The following CALM3 variants were observed in gnomAD, a reference collection of about 807,000 sequenced individuals.
CALM3 encodes calmodulin 3.
CALM3 carries 5 observed loss-of-function variants against 20.1 expected under a neutral mutation model. That is an observed-to-expected ratio of 0.25 (90% confidence interval 0.13 to 0.52). The LOEUF is 0.52. Ranked by LOEUF, CALM3 falls within the 20% of genes least tolerant of loss-of-function variation. The pLI is 0.96. For synonymous variants in CALM3, 69 were observed against 68.1 expected, an observed-to-expected ratio of 1.01 and a Z score of -0.06; for missense variants, 57 against 192.8, an observed-to-expected ratio of 0.30 and a Z score of 4.17.
At position 46,609,301 on chromosome 19, in the gene CALM3, C is replaced by T. The variant is rs1043729277; in HGVS notation, c.*148C>T. 1.1e-5 allele frequency: 8 copies of T among 757,512 alleles called. No individual in the cohort carries two copies. In the Admixed American group the frequency reaches 1.7e-4, roughly 16 times the overall value. The allele number at this position is 757,512 out of a possible 1,614,324, so 46.9% of individuals were successfully genotyped here. Reference sequence around the variant, plus strand: ...TCTGATAAAGCAACAAAAGATTTGTCCCAAGCTGCATGATTGCTCTTTCTC... The same window carrying T: ...TCTGATAAAGCAACAAAAGATTTGTTCCAAGCTGCATGATTGCTCTTTCTC... On this transcript the variant is annotated 3_prime_UTR_variant, in exon 6 of 6. Coordinates refer to ENST00000291295, the MANE Select transcript of CALM3 (RefSeq NM_005184.4).
In CALM3 at chr19:46,609,160, C is replaced by T. The variant is rs1185923613; in HGVS notation, c.*7C>T. On this transcript the variant is annotated 3_prime_UTR_variant, in exon 6 of 6. Transcript: ENST00000291295. ...GATGATGACTGCAAAGTGAAGGCCCCCCGGGCAGCTGGCGATGCCCGTTCT... is the reference window on the plus strand; with the variant it reads ...GATGATGACTGCAAAGTGAAGGCCCTCCGGGCAGCTGGCGATGCCCGTTCT... 2 of 1,613,886 alleles carry T rather than the reference C, an allele frequency of 1.2e-6. No individual in the cohort carries two copies. Among genetic ancestry groups the T allele is most frequent in the Middle Eastern group, 1.6e-4 (1 of 6,062 alleles).
At chr19:46,601,138 C>G (rs1971600294), upstream of CALM3, 1 of 684,474 alleles carries the variant, frequency 1.5e-6, no homozygotes, top group South Asian at 1.8e-5. The surrounding 1 kb of genome is among the most constrained non-coding windows in gnomAD (Gnocchi z 4.2). Context: ...AAACCCAATT[C>G]CTGTGCAGGG....
rs1444626631 is a variant in CALM3 at position 46,605,819 on chromosome 19, T to G, written c.4-8T>G. 1 of 1,614,038 alleles carries G rather than the reference T, an allele frequency of 6.2e-7. No individual in the cohort carries two copies. The highest frequency in any genetic ancestry group is 2.2e-5 in the East Asian group (1 of 44,888). On this transcript the variant is annotated splice_polypyrimidine_tract_variant and splice_region_variant and intron_variant, in intron 1 of 5. Transcript: ENST00000291295. This position sits in a 1 kb window ranked among gnomAD's most constrained non-coding sequence, Gnocchi z 4.1. ...TGGTGACTGACTTTCCCCTTCATGCTTTTACAGGCTGACCAGCTGACTGAG... is the reference window on the plus strand; with the variant it reads ...TGGTGACTGACTTTCCCCTTCATGCGTTTACAGGCTGACCAGCTGACTGAG...
At chr19:46,607,008 C>T (rs1971756620) in intron 2 of CALM3, among the ~76,000 whole-genome samples, 1 of 152,212 alleles carries the variant, frequency 6.6e-6, no homozygotes, top group East Asian at 1.9e-4. Context: ...CTCCCCTCAA[C>T]CCGCATCACA....
At chr19:46,601,173 G>A (rs1440323190), upstream of CALM3, 3 of 535,420 alleles carry the variant, frequency 5.6e-6, no homozygotes, top group East Asian at 3.8e-5. This position sits in a 1 kb window ranked among gnomAD's most constrained non-coding sequence, Gnocchi z 4.2. Context: ...TCGCGGGCCC[G>A]TAGGTGTGGA....
At chr19:46,607,994 A>G in intron 2 of CALM3, 1 of 563,854 alleles carries the variant, frequency 1.8e-6, no homozygotes, top group Non-Finnish European at 3.2e-6. Context: ...TTGATGTTCA[A>G]TAACTGTTGA....
intron 5 of CALM3, 48 bp downstream of exon 5, chr19:46,609,029 C>T (rs1263063906): frequency 6.2e-7 from 1 of 1,608,586 alleles, no homozygotes; most frequent in Non-Finnish European, 8.5e-7. Flanking sequence ...AGAATCGCAG[C>T]TTCAGGAACA....
In CALM3 at chr19:46,608,181, C is replaced by T. The variant is rs747463054; in HGVS notation, c.35-16C>T. The T allele has an allele frequency of 3.1e-6, 5 of 1,611,262 alleles. No individual in the cohort carries two copies. In the African/African-American group the frequency reaches 6.7e-5, roughly 22 times the overall value. Reference sequence around the variant, plus strand: ...TGGACCTTGTGACCTCTGACTCCTCCCCCTTCTTCCCCCAGAGTTCAAGGA... The same window carrying T: ...TGGACCTTGTGACCTCTGACTCCTCTCCCTTCTTCCCCCAGAGTTCAAGGA... On this transcript the variant is annotated splice_polypyrimidine_tract_variant and intron_variant, in intron 2 of 5. Transcript: ENST00000291295. The surrounding 1 kb of genome is among the most constrained non-coding windows in gnomAD (Gnocchi z 5.5).
At position 46,609,483 on chromosome 19, in the gene CALM3, C is replaced by T. The variant is rs710889; in HGVS notation, c.*330C>T. 0.37 allele frequency: 146,480 copies of T among 395,252 alleles called. 28,107 individuals carry two copies. The highest frequency in any genetic ancestry group is 0.48 in the East Asian group (10,421 of 21,536). 24.5% of individuals were successfully genotyped at this position (395,252 alleles called of 1,614,324 possible). ...CTCCTCCAGCCCGGATGGCTCTCCT[C>T]CATTTTGGTTTGTTTCCTCTTGTTT... On this transcript the variant is annotated 3_prime_UTR_variant, in exon 6 of 6. Transcript: ENST00000291295.
intron 1 of CALM3, chr19:46,602,269 T>G: frequency 7.8e-7 from 1 of 1,278,842 alleles, no homozygotes; most frequent in Non-Finnish European, 1.0e-6. Context: ...AATTTGGAAG[T>G]AGCTAGAAAA....
rs760289559 is a variant in CALM3 at position 46,609,181 on chromosome 19, G to A, written c.*28G>A. 18 of 1,611,450 alleles carry A rather than the reference G, an allele frequency of 1.1e-5. No homozygotes were observed. Among genetic ancestry groups the A allele is most frequent in the African/African-American group, 1.1e-4 (8 of 74,814 alleles). On this transcript the variant is annotated 3_prime_UTR_variant, in exon 6 of 6. Transcript: ENST00000291295. ...GCCCCCCGGGCAGCTGGCGATGCCC[G>A]TTCTCTTGATCTCTCTCTTCTCGCG...
chr19:46,607,821 G>A (rs774033221), intron 2 of CALM3: 6 of 167,062 alleles, frequency 3.6e-5, no homozygotes, highest in Non-Finnish European at 6.4e-5. Flanking sequence ...GAATCCTTTC[G>A]GCTCTCATTC....
intron 1 of CALM3, among the ~76,000 whole-genome samples, chr19:46,603,121 G>A (rs1971669367): frequency 6.6e-6 from 1 of 152,234 alleles, no homozygotes; most frequent in African/African-American, 2.4e-5. Context: ...CTGAGCCTGG[G>A]AACCGTGTGC....
upstream of CALM3, chr19:46,601,131 C>T: frequency 4.1e-6 from 3 of 729,038 alleles, no homozygotes; most frequent in South Asian, 5.4e-5. This position sits in a 1 kb window ranked among gnomAD's most constrained non-coding sequence, Gnocchi z 4.2. Flanking sequence ...CGGCGGCAAA[C>T]CCAATTCCTG....
chr19:46,608,063 C>CT lies in CALM3; in HGVS notation c.35-132dup. 1 of 805,274 alleles carries CT rather than the reference C, an allele frequency of 1.2e-6. No individual in the cohort carries two copies. The highest frequency in any genetic ancestry group is 1.7e-5 in the South Asian group (1 of 59,378). 49.9% of individuals were successfully genotyped at this position (805,274 alleles called of 1,614,324 possible). ...AGGAGAGAGAGCTGGTTGCGTGGGA[C>CT]TTGAAGTCTGTCTCAGTTTCTTTAG... On this transcript the variant is annotated intron_variant, in intron 2 of 5. Transcript: ENST00000291295. The surrounding 1 kb of genome is among the most constrained non-coding windows in gnomAD (Gnocchi z 5.5).
rs2122253696 is a variant in CALM3 at position 46,609,256 on chromosome 19, A to G, written c.*103A>G. ...CCTGCGTACCCCGGTTCTAGCAAAC[A>G]CCAATTGATTGACTGAGAATCTGAT... On this transcript the variant is annotated 3_prime_UTR_variant, in exon 6 of 6. Transcript: ENST00000291295. 9.8e-7 allele frequency: 1 copy of G among 1,022,584 alleles called. No individual in the cohort carries two copies. Among genetic ancestry groups the G allele is most frequent in the Non-Finnish European group, 1.5e-6 (1 of 666,400 alleles). 63.3% of individuals were successfully genotyped at this position (1,022,584 alleles called of 1,614,324 possible). A position where few individuals can be genotyped will look rare whatever the true frequency, so the allele number is the denominator to read the frequency against.
intron 2 of CALM3, among the ~76,000 whole-genome samples, chr19:46,607,553 C>T (rs1971767728): frequency 6.6e-6 from 1 of 152,198 alleles, no homozygotes; most frequent in African/African-American, 2.4e-5. Context: ...CCTGGCTTGG[C>T]AGCCGTCCCC....
At chr19:46,603,837 G>C (rs560318187) in intron 1 of CALM3, among the ~76,000 whole-genome samples, 1 of 152,306 alleles carries the variant, frequency 6.6e-6, no homozygotes, top group South Asian at 2.1e-4. Context: ...GCAACCCTGT[G>C]ACAGAACTGA....
At chr19:46,609,009 G>A (rs771635378) in intron 5 of CALM3, 28 bp downstream of exon 5, 7 of 1,605,496 alleles carry the variant, frequency 4.4e-6, no homozygotes, top group Non-Finnish European at 6.0e-6. Flanking sequence ...TTGATCTCTG[G>A]AACAAGAAGA....
Sources: gnomAD v4.1 joint callset for allele counts (sites outside exome capture counted in the v4.1 genomes callset) on GRCh38, gnomAD v4.1.1 for gene constraint, Gnocchi (gnomAD v3.1) non-coding constraint, MANE v1.5 for transcripts, NCBI Gene and HGNC (gene_info 2026-07-23, HGNC 2026-07-21) for gene names.